Variants in CCDC92 observed in about 807,000 individuals in gnomAD.
CCDC92 encodes coiled-coil domain-containing protein 92.
A neutral mutation model predicts 24.9 loss-of-function variants in CCDC92; 12 were observed. That is an observed-to-expected ratio of 0.48 (90% CI 0.31 to 0.78). CCDC92 has a LOEUF of 0.78. Ranked by LOEUF, CCDC92 falls within the 30% of genes least tolerant of loss-of-function variation. CCDC92 has a pLI of 0.05. For synonymous variants in CCDC92, 193 were observed against 196.3 expected, an observed-to-expected ratio of 0.98 and a Z score of 0.14; for missense variants, 399 against 439.4, an observed-to-expected ratio of 0.91 and a Z score of 0.82.
chr12:123,943,095 A>G (rs1034990832), intron 3 of CCDC92, among the ~76,000 whole-genome samples: 1 of 152,204 alleles, frequency 6.6e-6, no homozygotes, highest in African/African-American at 2.4e-5. Context: ...CTTGGTTATC[A>G]GTTCCAAAAC....
In CCDC92 at chr12:123,943,394, A is replaced by T; in HGVS notation, c.134T>A (p.Leu45His). The change falls in exon 3 of 5, where the codon CTC becomes CAC. Residue 45 changes from leucine (L) to histidine (H), a missense_variant. Physicochemically the swap from Leu to His is moderately conservative, Grantham distance 99. Transcript: ENST00000238156. Reference sequence around the variant, plus strand: ...CCTGATCTCGGAGTGCAGCCCCTTGAGCGTGCTGGCATGCTCCCGCTGAAG... The same window carrying T: ...CCTGATCTCGGAGTGCAGCCCCTTGTGCGTGCTGGCATGCTCCCGCTGAAG... ...LFLQREHAST[L>H]KGLHSEIRRL... 6.2e-7 allele frequency: 1 copy of T among 1,613,922 alleles called. No individual in the cohort carries two copies. The highest frequency in any genetic ancestry group is 8.5e-7 in the Non-Finnish European group (1 of 1,180,000).
intron 1 of CCDC92, chr12:123,956,419 A>G (rs1241069252): frequency 6.6e-6 from 1 of 152,120 alleles, no homozygotes; most frequent in African/African-American, 2.4e-5. Flanking sequence ...ATTCAGTTCA[A>G]GCGTCCTCTC....
chr12:123,959,326 T>A (rs1956221185), intron 1 of CCDC92, among the ~76,000 whole-genome samples: 1 of 152,198 alleles, frequency 6.6e-6, no homozygotes, highest in Admixed American at 6.5e-5. Flanking sequence ...GGCTTGCTTT[T>A]TTTTTTGAGA....
intron 4 of CCDC92, among the ~76,000 whole-genome samples, 179 bp from the exon 5 acceptor site, chr12:123,938,009 G>A (rs914573187): frequency 1.1e-4 from 17 of 152,148 alleles, no homozygotes; most frequent in Admixed American, 9.8e-4. Flanking sequence ...TGGGGAGATC[G>A]GGGCATCTCA....
At chr12:123,948,701 C>A (rs937048737) in intron 1 of CCDC92, among the ~76,000 whole-genome samples, 2 of 152,214 alleles carry the variant, frequency 1.3e-5, no homozygotes, top group Admixed American at 1.3e-4. Context: ...CATTCTACAG[C>A]TGTTAGGATA....
chr12:123,950,601 C>T (rs2138031001), intron 1 of CCDC92, among the ~76,000 whole-genome samples: 1 of 152,228 alleles, frequency 6.6e-6, no homozygotes, highest in African/African-American at 2.4e-5. Flanking sequence ...TCCCTGGGAT[C>T]CCAGCAGGTG....
At chr12:123,966,350 G>C (rs1424540117) in intron 1 of CCDC92, 1 of 152,166 alleles carries the variant, frequency 6.6e-6, no homozygotes, top group Non-Finnish European at 1.5e-5. Flanking sequence ...ACAAAAATCT[G>C]GGATCTTCAC....
chr12:123,944,995 T>G (rs1486870133), intron 1 of CCDC92: 1 of 152,004 alleles, frequency 6.6e-6, no homozygotes, highest in African/African-American at 2.4e-5. Flanking sequence ...AATTTATTTT[T>G]AGAAATCTAC....
intron 1 of CCDC92, among the ~76,000 whole-genome samples, chr12:123,949,328 T>C (rs1955964533): frequency 6.6e-6 from 1 of 152,234 alleles, no homozygotes; most frequent in South Asian, 2.1e-4. Flanking sequence ...GCAAATCCAA[T>C]TTTGTTCCTA....
chr12:123,941,793 T>G (rs1399097381), intron 4 of CCDC92, among the ~76,000 whole-genome samples: 1 of 152,212 alleles, frequency 6.6e-6, no homozygotes. Flanking sequence ...CTTTCCCTTT[T>G]GCCTATTTAG....
In CCDC92 at chr12:123,964,004, G is replaced by A. The variant is rs552875049; in HGVS notation, c.-60+8525C>T. Among the ~76,000 whole-genome samples, 22 of 152,270 alleles carry A rather than the reference G, an allele frequency of 1.4e-4. No homozygotes were observed. The South Asian group carries it at 4.1e-3, about 29-fold the overall frequency. Reference sequence around the variant, plus strand: ...GCACTTTAAGAAAGCTTTCCAGGCGGGAGAAATGAAAGTACAGGTTCCATG... The same window carrying A: ...GCACTTTAAGAAAGCTTTCCAGGCGAGAGAAATGAAAGTACAGGTTCCATG... On this transcript the variant is annotated intron_variant, in intron 1 of 4. Coordinates refer to ENST00000238156, the MANE Select transcript of CCDC92 (RefSeq NM_025140.3).
At chr12:123,950,573 G>A (rs979345206) in intron 1 of CCDC92, among the ~76,000 whole-genome samples, 1 of 152,160 alleles carries the variant, frequency 6.6e-6, no homozygotes, top group African/African-American at 2.4e-5. Flanking sequence ...ATTCCACTAT[G>A]TAGCATGTGC....
chr12:123,955,837 G>T (rs1956137410), intron 1 of CCDC92, among the ~76,000 whole-genome samples: 1 of 152,114 alleles, frequency 6.6e-6, no homozygotes. Context: ...AAAAGTAAAA[G>T]AGTCCATGGT....
chr12:123,944,134 A>ATCCT (rs914633445), intron 2 of CCDC92, 138 bp downstream of exon 2: 112 of 671,342 alleles, frequency 1.7e-4, no homozygotes, highest in African/African-American at 1.4e-3. Context: ...GGAGCCACAG[A>ATCCT]TCCTTCTTGG....
chr12:123,954,665 C>T (rs1166759312), intron 1 of CCDC92, among the ~76,000 whole-genome samples: 3 of 152,206 alleles, frequency 2.0e-5, no homozygotes, highest in African/African-American at 7.2e-5. Context: ...TGTGAAAATG[C>T]CTCATGAAGA....
intron 1 of CCDC92, among the ~76,000 whole-genome samples, chr12:123,969,646 T>C (rs1956478449): frequency 6.6e-6 from 1 of 151,850 alleles, no homozygotes; most frequent in Admixed American, 6.6e-5. Flanking sequence ...GTATTTTTAG[T>C]AGAGATGGGG....
chr12:123,938,159 CTCTG>C (rs1955580479), intron 4 of CCDC92, among the ~76,000 whole-genome samples: 2 of 152,374 alleles, frequency 1.3e-5, no homozygotes. Context: ...CCGCAAATCC[CTCTG>C]TCTGCTCAGA....
chr12:123,961,760 C>A (rs1204234040), intron 1 of CCDC92, among the ~76,000 whole-genome samples: 1 of 152,074 alleles, frequency 6.6e-6, no homozygotes, highest in South Asian at 2.1e-4. Context: ...CAGTGCCAGG[C>A]GCCATGCTAC....
In CCDC92 at chr12:123,944,268, C is replaced by T. The variant is rs760450058; in HGVS notation, c.34+4G>A. 8 of 1,585,574 alleles carry T rather than the reference C, an allele frequency of 5.0e-6. No homozygotes were observed. Among genetic ancestry groups the T allele is most frequent in the Non-Finnish European group, 6.9e-6 (8 of 1,160,726 alleles). Reference sequence around the variant, plus strand: ...TGATGCTCACTCAGGGCCCCAGACTCTACCTTCATCGTAACTCGAGAAATG... The same window carrying T: ...TGATGCTCACTCAGGGCCCCAGACTTTACCTTCATCGTAACTCGAGAAATG... On this transcript the variant is annotated splice_donor_region_variant and intron_variant, in intron 2 of 4. Transcript: ENST00000238156.
Sources: gnomAD v4.1 joint callset for allele counts (sites outside exome capture counted in the v4.1 genomes callset) on GRCh38, gnomAD v4.1.1 for gene constraint, MANE v1.5 for transcripts, NCBI Gene and HGNC (gene_info 2026-07-23, HGNC 2026-07-21) for gene names.